The following ZNF704 variants were observed in gnomAD, a reference collection of about 807,000 sequenced individuals.
The protein encoded by ZNF704 is glucocorticoid induced gene 1.
In ZNF704, 10 loss-of-function variants were observed where a neutral mutation model predicts 44.7. The observed-to-expected ratio is 0.22, with a 90% CI of 0.14 to 0.38. The LOEUF is 0.38. Ranked by LOEUF, ZNF704 falls within the 10% of genes least tolerant of loss-of-function variation. The pLI, the probability that ZNF704 is intolerant of heterozygous loss-of-function variation, is 1.00. For synonymous variants in ZNF704, 211 were observed against 207.6 expected (o/e 1.02, Z -0.14); for missense variants, 390 against 545.5 (o/e 0.71, Z 2.84).
intron 1 of ZNF704, among the ~76,000 whole-genome samples, chr8:80,861,038 A>C (rs574116544): frequency 1.3e-3 from 197 of 152,334 alleles, no homozygotes; most frequent in Middle Eastern, 3.4e-3. Flanking sequence ...AAATTCACTC[A>C]GGGACTCTTC....
chr8:80,799,389 G>A (rs1807861843), intron 2 of ZNF704, among the ~76,000 whole-genome samples: 4 of 152,112 alleles, frequency 2.6e-5, no homozygotes, highest in Admixed American at 2.6e-4. Flanking sequence ...TTTCCCTTGA[G>A]TCTAGCCAAT....
intron 1 of ZNF704, among the ~76,000 whole-genome samples, chr8:80,863,461 G>T (rs1018561154): frequency 6.6e-6 from 1 of 152,028 alleles, no homozygotes; most frequent in African/African-American, 2.4e-5. Flanking sequence ...AACTCTGCCG[G>T]TCTCCAAATG....
intron 2 of ZNF704, among the ~76,000 whole-genome samples, chr8:80,771,696 A>G (rs972627063): frequency 5.9e-5 from 9 of 152,076 alleles, no homozygotes; most frequent in Non-Finnish European, 1.2e-4. Context: ...TCTTCAGCTC[A>G]TTTTCTCAAC....
At chr8:80,794,956 G>A (rs997754112) in intron 2 of ZNF704, among the ~76,000 whole-genome samples, 4 of 152,344 alleles carry the variant, frequency 2.6e-5, no homozygotes, top group East Asian at 3.9e-4. Context: ...CAGTATAAAT[G>A]TATGGTACAT....
intron 1 of ZNF704, among the ~76,000 whole-genome samples, chr8:80,847,460 C>T (rs1586072163): frequency 6.6e-6 from 1 of 152,096 alleles, no homozygotes; most frequent in East Asian, 1.9e-4. Flanking sequence ...TTTTTGTAGA[C>T]ACAGACATGC....
At chr8:80,770,589 T>C (rs1302791704) in intron 2 of ZNF704, among the ~76,000 whole-genome samples, 1 of 152,230 alleles carries the variant, frequency 6.6e-6, no homozygotes, top group Non-Finnish European at 1.5e-5. Flanking sequence ...ACTTTATATA[T>C]TCTAGATACT....
intron 2 of ZNF704, among the ~76,000 whole-genome samples, chr8:80,775,771 C>G (rs1300441072): frequency 1.3e-5 from 2 of 152,074 alleles, no homozygotes; most frequent in Non-Finnish European, 2.9e-5. Flanking sequence ...ATGGACAACT[C>G]CAGAGTGAAA....
intron 2 of ZNF704, among the ~76,000 whole-genome samples, chr8:80,778,832 A>C (rs1807461702): frequency 6.6e-6 from 1 of 152,134 alleles, no homozygotes; most frequent in Non-Finnish European, 1.5e-5. Context: ...AAAGAAGGGA[A>C]TGACAGACAC....
upstream of ZNF704, among the ~76,000 whole-genome samples, chr8:80,877,833 G>C (rs182513199): frequency 6.6e-6 from 1 of 152,290 alleles, no homozygotes; most frequent in East Asian, 1.9e-4. Context: ...TTTTGTGGAG[G>C]CATTAAGTGT....
intron 2 of ZNF704, chr8:80,776,872 C>T (rs911463873): frequency 6.6e-6 from 1 of 152,136 alleles, no homozygotes; most frequent in Non-Finnish European, 1.5e-5. Flanking sequence ...TGATGTAGCG[C>T]ACTACAGCCC....
chr8:80,863,186 T>C (rs904447012), intron 1 of ZNF704, among the ~76,000 whole-genome samples: 1 of 152,212 alleles, frequency 6.6e-6, no homozygotes, highest in Non-Finnish European at 1.5e-5. Context: ...TTTTGTTACA[T>C]TAGTTTTGAG....
intron 2 of ZNF704, among the ~76,000 whole-genome samples, chr8:80,762,407 G>GT (rs1213514080): frequency 6.6e-6 from 1 of 152,212 alleles, no homozygotes; most frequent in Admixed American, 6.5e-5. Context: ...TGAAGGGGAA[G>GT]TAAGGACCTT....
At chr8:80,753,006 C>A (rs1295911725) in intron 2 of ZNF704, among the ~76,000 whole-genome samples, 1 of 152,174 alleles carries the variant, frequency 6.6e-6, no homozygotes, top group Non-Finnish European at 1.5e-5. Flanking sequence ...GCCAACTCCT[C>A]TTGTATTTCC....
chr8:80,716,058 C>T (rs546885817), intron 2 of ZNF704, among the ~76,000 whole-genome samples: 9 of 149,212 alleles, frequency 6.0e-5, no homozygotes, highest in South Asian at 2.1e-4. Context: ...CCAGCCTGGG[C>T]GACAAAGTGA....
intron 2 of ZNF704, among the ~76,000 whole-genome samples, chr8:80,740,740 G>T (rs1038598910): frequency 2.0e-5 from 3 of 152,128 alleles, no homozygotes; most frequent in African/African-American, 7.2e-5. Context: ...CTTTGCCTTT[G>T]AAGATCCTTC....
rs145604666 is a variant in ZNF704 at position 80,783,007 on chromosome 8, A to T, written c.221+38367T>A. On this transcript the variant is annotated intron_variant, in intron 2 of 8. Coordinates refer to ENST00000327835, the MANE Select transcript of ZNF704 (RefSeq NM_001033723.3). ...GTTGTTCAAGGGCACTGTACTTGGA[A>T]ACCACAGAAATGGCATGGTTTGAAA... 3.5e-3 allele frequency among the ~76,000 whole-genome samples: 529 copies of T among 152,286 alleles called. 4 individuals are homozygous for T. Among genetic ancestry groups the T allele is most frequent in the African/African-American group, 0.012 (493 of 41,552 alleles).
chr8:80,717,524 G>C (rs1819090266), intron 2 of ZNF704, among the ~76,000 whole-genome samples: 1 of 152,166 alleles, frequency 6.6e-6, no homozygotes, highest in African/African-American at 2.4e-5. Flanking sequence ...TGTGAGATTC[G>C]AGAGAGAATG....
intron 2 of ZNF704, among the ~76,000 whole-genome samples, chr8:80,719,772 G>C (rs964030135): frequency 1.3e-5 from 2 of 152,212 alleles, no homozygotes; most frequent in African/African-American, 4.8e-5. Context: ...CACTGCTGCA[G>C]CTGGCAGAAG....
chr8:80,636,150 T>A lies in ZNF704; in HGVS notation c.*5216A>T, dbSNP rs576405518. 2.4e-3 allele frequency: 367 copies of A among 152,328 alleles called. 1 individual carries two copies. Among genetic ancestry groups the A allele is most frequent in the African/African-American group, 8.2e-3 (341 of 41,584 alleles). The allele number at this position is 152,328 out of a possible 1,614,324, so 9.4% of individuals were successfully genotyped here. A position where few individuals can be genotyped will look rare whatever the true frequency, so the allele number is the denominator to read the frequency against. On this transcript the variant is annotated 3_prime_UTR_variant, in exon 9 of 9. Transcript: ENST00000327835. The stretch of plus-strand genomic sequence containing the variant: ...GTCTCTTAGAACTGTAGAAGCCTAA[T>A]CAGTGTATTTCTTGTTTTATTTGGA...
Sources: allele counts gnomAD v4.1 joint callset (sites outside exome capture counted in the v4.1 genomes callset), GRCh38; gene constraint gnomAD v4.1.1; transcripts MANE v1.5; gene names NCBI Gene and HGNC (gene_info 2026-07-23, HGNC 2026-07-21).